The following CFAP47 variants were observed in gnomAD, a reference collection of about 807,000 sequenced individuals.
CFAP47 encodes cilia- and flagella-associated protein 47.
Under a neutral mutation model 148.1 loss-of-function variants are expected in CFAP47, and 29 were observed. The observed-to-expected ratio is 0.20, with a 90% CI of 0.15 to 0.27. The LOEUF is 0.27. Ranked by LOEUF, CFAP47 falls within the 10% of genes least tolerant of loss-of-function variation. CFAP47 has a pLI of 1.00. For missense variants in CFAP47, 1,872 were observed against 1,697.5 expected, an observed-to-expected ratio of 1.10 and a Z score of -1.81; for synonymous variants, 664 against 577.3, an observed-to-expected ratio of 1.15 and a Z score of -2.15.
At chrX:36,152,885 G>A (rs1381570048) in intron 37 of CFAP47, among the ~76,000 whole-genome samples, 1 of 110,866 alleles carries the variant, frequency 9.0e-6, no homozygotes, top group Non-Finnish European at 1.9e-5. Context: ...TGGTGGGGGG[G>A]ACACAAACAT....
Position 35,971,855 on chromosome X carries a change from A to G in CFAP47, c.2158-14A>G, listed in dbSNP as rs1210324472. 2.0e-5 allele frequency: 24 copies of G among 1,184,357 alleles called. No individual in the cohort carries two copies. Among genetic ancestry groups the G allele is most frequent in the Non-Finnish European group, 2.4e-5 (21 of 877,593 alleles). ...TAATAATGAATAATTCTGGAAAAAT[A>G]TGATTTTTTACAGGTTCTCAAAGGA... On this transcript the variant is annotated splice_polypyrimidine_tract_variant and intron_variant, in intron 12 of 63. Transcript: ENST00000378653.
At chrX:36,137,809 C>G in intron 33 of CFAP47, 149 bp from the exon 34 acceptor site, 1 of 330,818 alleles carries the variant, frequency 3.0e-6, no homozygotes, top group Non-Finnish European at 5.3e-6. Context: ...TCTTCTGAGA[C>G]TTAAAATTTG....
At position 35,975,777 on chromosome X, in the gene CFAP47, A is replaced by T. The variant is rs774632845; in HGVS notation, c.2577A>T (p.Arg859Ser). ...LELSSNELVLRPRGFFMKTCF... is the reference protein window; with the variant it reads ...LELSSNELVLSPRGFFMKTCF... ...TATCTTCTAATGAGCTAGTATTGAG[A>T]CCACGAGGCTTCTTCATGAAAACAT... The change falls in exon 15 of 64, where the codon AGA becomes AGT. Residue 859 changes from arginine to serine, a missense_variant. Arg to Ser is a moderately radical substitution (Grantham distance 110, BLOSUM62 -1). Coordinates refer to ENST00000378653, the MANE Select transcript of CFAP47 (RefSeq NM_001304548.2). The T allele has an allele frequency of 2.5e-6, 3 of 1,210,741 alleles. No individual in the cohort carries two copies. The highest frequency in any genetic ancestry group is 3.4e-6 in the Non-Finnish European group (3 of 894,780).
In CFAP47 at chrX:35,953,676, T is replaced by G. The variant is rs199791784; in HGVS notation, c.1131T>G (p.Ser377Arg). 627 of 1,200,105 alleles carry G rather than the reference T, an allele frequency of 5.2e-4. 1 individual carries two copies. Among genetic ancestry groups the G allele is most frequent in the Admixed American group, 9.0e-4 (41 of 45,431 alleles). Residue 377 changes from serine (S) to arginine (R), a missense_variant, in exon 7 of 64, where the codon AGT becomes AGG. Ser to Arg is a moderately radical substitution (Grantham distance 110). Transcript: ENST00000378653. ...TTTTGAGATTTGAGTCCGTAGGAAGTAAAGATGGATTTTTGAGAGATGATG... is the reference window on the plus strand; with the variant it reads ...TTTTGAGATTTGAGTCCGTAGGAAGGAAAGATGGATTTTTGAGAGATGATG... ...ALFLRFESVGSKDGFLRDDDY... is the reference protein window; with the variant it reads ...ALFLRFESVGRKDGFLRDDDY...
intron 36 of CFAP47, among the ~76,000 whole-genome samples, chrX:36,147,688 G>T (rs1450071745): frequency 1.8e-5 from 2 of 112,309 alleles, no homozygotes; most frequent in Admixed American, 9.4e-5. Flanking sequence ...AGAAACTAAA[G>T]TTGGAAATGC....
chrX:35,978,317 C>T (rs1483159944), intron 15 of CFAP47, among the ~76,000 whole-genome samples: 1 of 111,595 alleles, frequency 9.0e-6, no homozygotes, highest in Non-Finnish European at 1.9e-5. Flanking sequence ...CTGGGCTTGC[C>T]TTATGGCTGC....
chrX:35,958,695 T>C (rs1254863507), intron 8 of CFAP47, among the ~76,000 whole-genome samples: 1 of 112,177 alleles, frequency 8.9e-6, no homozygotes, highest in African/African-American at 3.2e-5. Flanking sequence ...GAAATATTTA[T>C]GCATATCTAT....
At chrX:36,298,046 A>C (rs1281365873) in intron 51 of CFAP47, among the ~76,000 whole-genome samples, 4 of 106,476 alleles carry the variant, frequency 3.8e-5, no homozygotes, top group African/African-American at 6.9e-5. Context: ...TGACCCAGCC[A>C]TCCCATTACT....
In CFAP47 at chrX:35,951,171, A is replaced by G; in HGVS notation, c.697A>G (p.Lys233Glu). 1 of 1,211,424 alleles carries G rather than the reference A, an allele frequency of 8.3e-7. No individual in the cohort carries two copies. The highest frequency in any genetic ancestry group is 1.1e-6 in the Non-Finnish European group (1 of 894,961). Residue 233 changes from lysine (K) to glutamate (E), a missense_variant, in exon 5 of 64, where the codon AAA (lysine) becomes GAA (glutamate). By Grantham distance (56) the Lys-to-Glu change is moderately conservative. Coordinates refer to ENST00000378653, the MANE Select transcript of CFAP47 (RefSeq NM_001304548.2). ...QGQPEMLLSI[K>E]AHVVEQIIEL... ...TCAACCTGAGATGCTCTTGAGTATC[A>G]AAGCTCATGTGGTTGAGCAGATTAT...
At chrX:36,232,542 T>C (rs1940380864) in intron 46 of CFAP47, among the ~76,000 whole-genome samples, 1 of 111,941 alleles carries the variant, frequency 8.9e-6, no homozygotes, top group African/African-American at 3.3e-5. Flanking sequence ...CTATCAATTT[T>C]GTTGATCCTT....
At chrX:36,037,124 A>G (rs1288122906) in intron 24 of CFAP47, among the ~76,000 whole-genome samples, 1 of 112,014 alleles carries the variant, frequency 8.9e-6, no homozygotes, top group African/African-American at 3.2e-5. Flanking sequence ...TGAAAGAAAT[A>G]GCACAAAGGC....
intron 60 of CFAP47, 72 bp downstream of exon 60, chrX:36,353,753 GA>G: frequency 1.2e-6 from 1 of 810,320 alleles, no homozygotes; most frequent in Non-Finnish European, 1.7e-6. Flanking sequence ...GCAGGTTGCT[GA>G]TTGTGCAGTT....
intron 29 of CFAP47, among the ~76,000 whole-genome samples, chrX:36,075,297 G>A (rs1485943437): frequency 9.2e-6 from 1 of 108,528 alleles, no homozygotes; most frequent in Non-Finnish European, 1.9e-5. Context: ...GCGCAATCTC[G>A]GCTAACTGCA....
At chrX:35,923,726 A>G (rs771339818) in intron 1 of CFAP47, among the ~76,000 whole-genome samples, 1 of 109,051 alleles carries the variant, frequency 9.2e-6, no homozygotes, top group South Asian at 4.0e-4. Flanking sequence ...AGGCTGAGGC[A>G]GGAGAATTGC....
intron 53 of CFAP47, among the ~76,000 whole-genome samples, chrX:36,303,194 T>C (rs1232941259): frequency 9.0e-6 from 1 of 111,484 alleles, no homozygotes; most frequent in African/African-American, 3.3e-5. Flanking sequence ...CTTCTTTTTT[T>C]CTATGTTTTA....
intron 3 of CFAP47, among the ~76,000 whole-genome samples, chrX:35,942,190 T>A (rs1936020199): frequency 9.0e-6 from 1 of 111,468 alleles, no homozygotes; most frequent in South Asian, 3.7e-4. Context: ...GAGGACTAGC[T>A]CCAGACAGGG....
intron 49 of CFAP47, among the ~76,000 whole-genome samples, chrX:36,279,636 C>T (rs2146943369): frequency 8.9e-6 from 1 of 111,787 alleles, no homozygotes; most frequent in Admixed American, 9.5e-5. Flanking sequence ...TTAATACCAA[C>T]TTATATAGGT....
At chrX:35,965,939 C>T (rs1936395057) in intron 8 of CFAP47, among the ~76,000 whole-genome samples, 1 of 110,327 alleles carries the variant, frequency 9.1e-6, no homozygotes, top group African/African-American at 3.3e-5. Flanking sequence ...AGAGATTCAA[C>T]CTTTTTTCTT....
chrX:36,371,813 T>C lies in CFAP47; in HGVS notation c.9185+4686T>C, dbSNP rs782410646. Among the ~76,000 whole-genome samples, 25 of 61,733 alleles carry C rather than the reference T, an allele frequency of 4.0e-4. 1 individual carries two copies. Among genetic ancestry groups the C allele is most frequent in the African/African-American group, 2.0e-3 (17 of 8,548 alleles). The allele number at this position is 61,733 out of a possible 115,157, so 53.6% of individuals were successfully genotyped here. A position where few individuals can be genotyped will look rare whatever the true frequency, so the allele number is the denominator to read the frequency against. ...GTGTGTATATACACACATGTATATATGTGTGCATATACACACATGTGTGTA... is the reference window on the plus strand; with the variant it reads ...GTGTGTATATACACACATGTATATACGTGTGCATATACACACATGTGTGTA... On this transcript the variant is annotated intron_variant, in intron 62 of 63. Coordinates refer to ENST00000378653, the MANE Select transcript of CFAP47 (RefSeq NM_001304548.2).
Sources: gnomAD v4.1 joint callset for allele counts (sites outside exome capture counted in the v4.1 genomes callset) on GRCh38, gnomAD v4.1.1 for gene constraint, MANE v1.5 for transcripts, NCBI Gene and HGNC (gene_info 2026-07-23, HGNC 2026-07-21) for gene names.